Variants in GREB1L observed in about 807,000 individuals in gnomAD.
The protein encoded by GREB1L is GREB1 like retinoic acid receptor coactivator, also known as GREB1-like protein.
A neutral mutation model predicts 200.8 loss-of-function variants in GREB1L; 17 were observed. The ratio of observed to expected loss-of-function variants is 0.08; its 90% CI spans 0.06 to 0.13. The LOEUF (loss-of-function observed/expected upper bound fraction) is 0.13, where lower values mean the gene tolerates loss of function less well. Ranked by LOEUF, GREB1L falls within the 10% of genes least tolerant of loss-of-function variation. The probability of loss-of-function intolerance (pLI) is 1.00; values close to 1 mark genes in which losing one functional copy is unlikely to be tolerated. For missense variants in GREB1L, 1,657 were observed against 2,367.7 expected (o/e 0.70, Z 6.23); for synonymous variants, 789 against 893.0 (o/e 0.88, Z 2.08).
intron 7 of GREB1L, among the ~76,000 whole-genome samples, chr18:21,429,157 T>TCCCTCCCTTC (rs2032920554): frequency 1.7e-5 from 1 of 58,460 alleles, no homozygotes; most frequent in East Asian, 6.2e-4. Flanking sequence ...CTCCCTTCCC[T>TCCCTCCCTTC]CCCTCCCTTC....
intron 1 of GREB1L, among the ~76,000 whole-genome samples, chr18:21,358,009 A>G (rs2039529490): frequency 6.6e-6 from 1 of 152,122 alleles, no homozygotes; most frequent in African/African-American, 2.4e-5. Flanking sequence ...ATGTGTTGGA[A>G]TTTTGATAGG....
At chr18:21,395,777 TG>T (rs2144376215) in intron 5 of GREB1L, among the ~76,000 whole-genome samples, 1 of 151,888 alleles carries the variant, frequency 6.6e-6, no homozygotes, top group East Asian at 1.9e-4. Flanking sequence ...TCGCCCAGGC[TG>T]GAGTGCAATG....
At chr18:21,305,515 A>T (rs763847636) in intron 1 of GREB1L, among the ~76,000 whole-genome samples, 1 of 152,244 alleles carries the variant, frequency 6.6e-6, no homozygotes, top group East Asian at 1.9e-4. Flanking sequence ...TATCTCCAGA[A>T]TGGGTTCCCA....
intron 2 of GREB1L, among the ~76,000 whole-genome samples, chr18:21,379,757 A>G (rs1211958309): frequency 6.6e-6 from 1 of 152,132 alleles, no homozygotes; most frequent in Non-Finnish European, 1.5e-5. Flanking sequence ...GGCACAGCCT[A>G]TTTCTCCTCC....
intron 7 of GREB1L, among the ~76,000 whole-genome samples, chr18:21,436,178 G>T (rs2145178022): frequency 6.6e-6 from 1 of 152,264 alleles, no homozygotes; most frequent in African/African-American, 2.4e-5. Context: ...CTGAGTTTGA[G>T]ATTCCTATAA....
At chr18:21,375,046 T>C (rs2040016631) in intron 2 of GREB1L, among the ~76,000 whole-genome samples, 1 of 146,102 alleles carries the variant, frequency 6.8e-6, no homozygotes, top group Non-Finnish European at 1.5e-5. Flanking sequence ...TTTTTTGTTT[T>C]GTTTTGTTTT....
intron 15 of GREB1L, among the ~76,000 whole-genome samples, chr18:21,470,524 A>G (rs1247571900): frequency 1.3e-5 from 2 of 152,166 alleles, no homozygotes; most frequent in Admixed American, 6.5e-5. Context: ...ACATTTCCTA[A>G]CTACTGCTTG....
intron 1 of GREB1L, among the ~76,000 whole-genome samples, chr18:21,271,955 G>A (rs1000969035): frequency 1.3e-5 from 2 of 152,112 alleles, no homozygotes; most frequent in Non-Finnish European, 2.9e-5. Context: ...TGTGCAAATT[G>A]GCACCCCAAA....
At chr18:21,392,462 T>C (rs2040865272) in intron 4 of GREB1L, among the ~76,000 whole-genome samples, 2 of 152,220 alleles carry the variant, frequency 1.3e-5, no homozygotes, top group East Asian at 3.8e-4. Flanking sequence ...ATATAAATGA[T>C]ATTTTGAACA....
intron 1 of GREB1L, among the ~76,000 whole-genome samples, chr18:21,317,977 A>G (rs2038896640): frequency 6.6e-6 from 1 of 152,066 alleles, no homozygotes; most frequent in Non-Finnish European, 1.5e-5. Flanking sequence ...GTATGGTGGC[A>G]TGTGCCTGTA....
chr18:21,392,056 C>T (rs552133265), intron 4 of GREB1L, among the ~76,000 whole-genome samples: 10 of 152,258 alleles, frequency 6.6e-5, no homozygotes, highest in African/African-American at 1.9e-4. Context: ...GTGATCCACC[C>T]GCCTCAGCCT....
intron 7 of GREB1L, among the ~76,000 whole-genome samples, chr18:21,407,730 A>T (rs1456103124): frequency 2.6e-5 from 4 of 152,230 alleles, no homozygotes; most frequent in South Asian, 2.1e-4. Context: ...ACACTTCAAA[A>T]TTTTAAGGAT....
intron 15 of GREB1L, among the ~76,000 whole-genome samples, chr18:21,462,280 A>G (rs1198129210): frequency 6.6e-6 from 1 of 152,226 alleles, no homozygotes; most frequent in Non-Finnish European, 1.5e-5. Flanking sequence ...ACTGTGATAA[A>G]TTAAGTTAGT....
intron 1 of GREB1L, among the ~76,000 whole-genome samples, chr18:21,297,658 T>C (rs1343946277): frequency 6.6e-6 from 1 of 152,190 alleles, no homozygotes; most frequent in Non-Finnish European, 1.5e-5. Flanking sequence ...AGCATGGTCA[T>C]GCTTAAGAAT....
At chr18:21,334,453 C>T (rs1402225645) in intron 1 of GREB1L, among the ~76,000 whole-genome samples, 1 of 152,022 alleles carries the variant, frequency 6.6e-6, no homozygotes, top group African/African-American at 2.4e-5. Context: ...AAATAAAAGT[C>T]CAAAAAAGTT....
chr18:21,418,200 A>G (rs1291926004), intron 7 of GREB1L, among the ~76,000 whole-genome samples: 2 of 152,150 alleles, frequency 1.3e-5, no homozygotes, highest in African/African-American at 4.8e-5. Context: ...GTTCTTATAC[A>G]TGAAATTTTG....
chr18:21,282,677 G>T (rs2038289356), intron 1 of GREB1L, among the ~76,000 whole-genome samples: 1 of 151,624 alleles, frequency 6.6e-6, no homozygotes, highest in African/African-American at 2.4e-5. Context: ...TCGGCTCATT[G>T]CAACCTCCGC....
intron 5 of GREB1L, among the ~76,000 whole-genome samples, chr18:21,396,525 A>G (rs2041074206): frequency 6.6e-6 from 1 of 152,152 alleles, no homozygotes; most frequent in Non-Finnish European, 1.5e-5. Flanking sequence ...AGTCAACTCA[A>G]TTATTTATCT....
Position 21,518,265 on chromosome 18 carries a change from C to G in GREB1L, c.5472+31C>G, listed in dbSNP as rs548996881. On this transcript the variant is annotated intron_variant, in intron 31 of 32. Coordinates refer to ENST00000424526, the MANE Select transcript of GREB1L (RefSeq NM_001142966.3). ...AAGGGTGTGGGGGATACTGTGCTTA[C>G]CTACATCCATCCATTTCTTTCTCAT... The G allele has an allele frequency of 5.4e-5, 82 of 1,529,444 alleles. No individual in the cohort carries two copies. The African/African-American group carries it at 1.0e-3, about 19-fold the overall frequency. The allele number at this position is 1,529,444 out of a possible 1,614,324, so 94.7% of individuals were successfully genotyped here. A position where few individuals can be genotyped will look rare whatever the true frequency, so the allele number is the denominator to read the frequency against.
Sources: gnomAD v4.1 joint callset for allele counts (sites outside exome capture counted in the v4.1 genomes callset) on GRCh38, gnomAD v4.1.1 for gene constraint, MANE v1.5 for transcripts, NCBI Gene and HGNC (gene_info 2026-07-23, HGNC 2026-07-21) for gene names.